ANTXR2: variants seen among roughly 807,000 people sequenced by gnomAD.
ANTXR2 encodes the protein anthrax toxin receptor 2.
ANTXR2 carries 44 observed loss-of-function variants against 73.7 expected under a neutral mutation model. The ratio of observed to expected loss-of-function variants is 0.60; its 90% CI spans 0.47 to 0.77. The LOEUF is 0.77. Among genes scored for constraint, ANTXR2 ranks in the 30% least tolerant of loss-of-function variants. The probability of loss-of-function intolerance (pLI) is 0.00; values close to 1 mark genes in which losing one functional copy is unlikely to be tolerated. For synonymous variants in ANTXR2, 217 were observed against 205.9 expected, an observed-to-expected ratio of 1.05 and a Z score of -0.46; for missense variants, 604 against 592.5, an observed-to-expected ratio of 1.02 and a Z score of -0.20.
rs192529109 is a variant in ANTXR2 at position 80,047,942 on chromosome 4, A to G, written c.636+6330T>C. Among the ~76,000 whole-genome samples the G allele has an allele frequency of 1.3e-3, 190 of 151,848 alleles. 2 individuals are homozygous for G. Among genetic ancestry groups the G allele is most frequent in the African/African-American group, 4.2e-3 (173 of 41,500 alleles). On this transcript the variant is annotated intron_variant, in intron 7 of 16. Transcript: ENST00000403729. ...AGTTCTTGTCATGTGAAATCAAAAGAGTCTTAATACAGTGAAACATAAATA... is the reference window on the plus strand; with the variant it reads ...AGTTCTTGTCATGTGAAATCAAAAGGGTCTTAATACAGTGAAACATAAATA...
At chr4:79,947,493 T>C (rs1472378181) in intron 16 of ANTXR2, among the ~76,000 whole-genome samples, 2 of 152,152 alleles carry the variant, frequency 1.3e-5, no homozygotes, top group Non-Finnish European at 2.9e-5. Flanking sequence ...AGCAGAACAT[T>C]TTCTGACCTA....
At chr4:79,989,459 G>C (rs972684524) in intron 12 of ANTXR2, among the ~76,000 whole-genome samples, 4 of 151,830 alleles carry the variant, frequency 2.6e-5, no homozygotes, top group African/African-American at 7.3e-5. Context: ...ATCCTGAACA[G>C]ATAAATAACA....
At chr4:80,051,740 C>G (rs559657492) in intron 7 of ANTXR2, among the ~76,000 whole-genome samples, 1 of 151,608 alleles carries the variant, frequency 6.6e-6, no homozygotes, top group Admixed American at 6.6e-5. Context: ...TTTTCAGCCC[C>G]TTGATTTTTG....
At chr4:80,029,691 T>G (rs1328100852) in intron 10 of ANTXR2, among the ~76,000 whole-genome samples, 2 of 151,816 alleles carry the variant, frequency 1.3e-5, no homozygotes, top group Non-Finnish European at 2.9e-5. Context: ...GAAGATTGCA[T>G]GATTAAATAG....
chr4:79,976,361 G>T (rs1729634373), intron 16 of ANTXR2, among the ~76,000 whole-genome samples: 1 of 152,118 alleles, frequency 6.6e-6, no homozygotes, highest in African/African-American at 2.4e-5. Flanking sequence ...GTGAGGCTTG[G>T]ACACCAGACC....
Position 80,072,399 on chromosome 4 carries a change from G to A in ANTXR2, c.152+10C>T. The A allele has an allele frequency of 6.3e-6, 10 of 1,586,142 alleles. No individual in the cohort carries two copies. The highest frequency in any genetic ancestry group is 8.6e-6 in the Non-Finnish European group (10 of 1,166,098). On this transcript the variant is annotated intron_variant, in intron 1 of 16. Transcript: ENST00000403729. ...CACCAGGAGACCCTGGACCTCCCTC[G>A]CACACTCACTTGTCCAGGACGAAGT...
intron 3 of ANTXR2, among the ~76,000 whole-genome samples, chr4:80,066,042 T>G (rs973699689): frequency 2.6e-5 from 4 of 152,218 alleles, no homozygotes; most frequent in Non-Finnish European, 5.9e-5. Context: ...AATTGTTTCT[T>G]CACACTTAAA....
In ANTXR2 at chr4:80,072,511, G is replaced by C. The variant is rs1217816889; in HGVS notation, c.50C>G (p.Pro17Arg). ...GCTGAGCACCAACAGCCACAGCCCG[G>C]GGAACAGCCAGCTCCCGGGGCTGCG... ...PARSPGSWLF[P>R]GLWLLVLSGP... is the part of the protein sequence containing the mutation. Residue 17 changes from proline (P) to arginine (R), a missense_variant, in exon 1 of 17, where the codon CCC becomes CGC. Physicochemically the swap from Pro to Arg is moderately radical, Grantham distance 103. Transcript: ENST00000403729. 1 of 1,604,600 alleles carries C rather than the reference G, an allele frequency of 6.2e-7. No individual in the cohort carries two copies. Among genetic ancestry groups the C allele is most frequent in the Non-Finnish European group, 8.5e-7 (1 of 1,176,236 alleles).
intron 9 of ANTXR2, among the ~76,000 whole-genome samples, chr4:80,032,578 T>C (rs1732747695): frequency 6.6e-6 from 1 of 151,774 alleles, no homozygotes; most frequent in Non-Finnish European, 1.5e-5. Flanking sequence ...ATAGGTACTG[T>C]GTGTATGGCC....
At position 80,031,644 on chromosome 4, in the gene ANTXR2, G is replaced by A; in HGVS notation, c.845C>T (p.Pro282Leu). 1 of 1,525,152 alleles carries A rather than the reference G, an allele frequency of 6.6e-7. No individual in the cohort carries two copies. Among genetic ancestry groups the A allele is most frequent in the Non-Finnish European group, 8.7e-7 (1 of 1,144,398 alleles). The allele number at this position is 1,525,152 out of a possible 1,614,324, so 94.5% of individuals were successfully genotyped here. A position where few individuals can be genotyped will look rare whatever the true frequency, so the allele number is the denominator to read the frequency against. The change falls in exon 10 of 17, where the codon CCT becomes CTT. Residue 282 changes from proline (P) to leucine (L), a missense_variant. Pro to Leu is a moderately conservative substitution (Grantham distance 98, BLOSUM62 -3). Coordinates refer to ENST00000403729, the MANE Select transcript of ANTXR2 (RefSeq NM_058172.6). ...TTACTCTCCAGCTTTATTCAGGATA[G>A]GTGCAGGACAAAGCATAGAATTAAG... ...VQLNSMLCPA[P>L]ILNKAGETLD...
At chr4:79,975,393 C>A (rs1190022205) in intron 16 of ANTXR2, among the ~76,000 whole-genome samples, 1 of 151,944 alleles carries the variant, frequency 6.6e-6, no homozygotes, top group Non-Finnish European at 1.5e-5. Flanking sequence ...TTACTTGATG[C>A]CATTGCTTTT....
chr4:80,050,624 C>T (rs549923987), intron 7 of ANTXR2, among the ~76,000 whole-genome samples: 2 of 151,726 alleles, frequency 1.3e-5, no homozygotes, highest in African/African-American at 4.8e-5. Context: ...GGTTTTAAAA[C>T]TCAGAGAAAT....
At chr4:79,989,312 A>C (rs1229578339) in intron 12 of ANTXR2, among the ~76,000 whole-genome samples, 2 of 152,084 alleles carry the variant, frequency 1.3e-5, no homozygotes, top group African/African-American at 4.8e-5. Context: ...AGGGGACATT[A>C]GAGATCCCAA....
intron 3 of ANTXR2, among the ~76,000 whole-genome samples, chr4:80,062,955 C>T (rs911438750): frequency 4.6e-5 from 7 of 151,832 alleles, no homozygotes; most frequent in African/African-American, 1.7e-4. Flanking sequence ...TTAGCCTTGG[C>T]CTCCTTCCTA....
chr4:79,944,893 T>C (rs1728460477), intron 16 of ANTXR2, among the ~76,000 whole-genome samples: 2 of 152,170 alleles, frequency 1.3e-5, no homozygotes, highest in African/African-American at 4.8e-5. Flanking sequence ...TAATTAAAAT[T>C]ACAGAGTTGT....
chr4:80,004,224 AT>A (rs1369626205), intron 12 of ANTXR2, among the ~76,000 whole-genome samples: 8 of 151,884 alleles, frequency 5.3e-5, no homozygotes, highest in Middle Eastern at 3.2e-3. Context: ...ATGAAAAAAA[AT>A]AAAATAAAAA....
chr4:79,998,933 T>C (rs1321284978), intron 12 of ANTXR2, among the ~76,000 whole-genome samples: 6 of 152,144 alleles, frequency 3.9e-5, no homozygotes, highest in Middle Eastern at 3.4e-3. Context: ...CCAAATATCA[T>C]TGGTTTAGAT....
chr4:80,026,239 G>A lies in ANTXR2; in HGVS notation c.866+5384C>T, dbSNP rs113679519. Reference sequence around the variant, plus strand: ...TCTCATGATGGTGAGTGAATCTCACGAGATCTGATGGTTTTAAAAGTGGCC... The same window carrying A: ...TCTCATGATGGTGAGTGAATCTCACAAGATCTGATGGTTTTAAAAGTGGCC... On this transcript the variant is annotated intron_variant, in intron 10 of 16. Coordinates refer to ENST00000403729, the MANE Select transcript of ANTXR2 (RefSeq NM_058172.6). 7.5e-3 allele frequency among the ~76,000 whole-genome samples: 1,145 copies of A among 152,144 alleles called. 11 individuals are homozygous for A. Among genetic ancestry groups the A allele is most frequent in the African/African-American group, 0.025 (1,049 of 41,520 alleles).
At chr4:79,977,045 C>T (rs193181733) in intron 16 of ANTXR2, among the ~76,000 whole-genome samples, 1 of 152,172 alleles carries the variant, frequency 6.6e-6, no homozygotes, top group African/African-American at 2.4e-5. Flanking sequence ...AAAAATATAG[C>T]CTCAGACAGG....
Sources: gnomAD v4.1 joint callset for allele counts (sites outside exome capture counted in the v4.1 genomes callset) on GRCh38, gnomAD v4.1.1 for gene constraint, MANE v1.5 for transcripts, NCBI Gene and HGNC (gene_info 2026-07-23, HGNC 2026-07-21) for gene names.